Variants in FAM13A observed in about 807,000 individuals in gnomAD.
The protein encoded by FAM13A is protein FAM13A.
In FAM13A, 76 loss-of-function variants were observed where a neutral mutation model predicts 129.6. The ratio of observed to expected loss-of-function variants is 0.59; its 90% CI spans 0.49 to 0.71. The LOEUF (loss-of-function observed/expected upper bound fraction) is 0.71, where lower values mean the gene tolerates loss of function less well. FAM13A is among the 30% of genes least tolerant of loss of function. FAM13A has a pLI of 0.00. For missense variants in FAM13A, 1,108 were observed against 1,249.3 expected (o/e 0.89, Z 1.70); for synonymous variants, 443 against 449.9 (o/e 0.98, Z 0.20).
At chr4:88,751,909 T>C (rs1277192417) in intron 14 of FAM13A, among the ~76,000 whole-genome samples, 2 of 152,246 alleles carry the variant, frequency 1.3e-5, no homozygotes, top group Admixed American at 1.3e-4. Flanking sequence ...CTTTGAATCA[T>C]GGGAACAGTT....
intron 3 of FAM13A, among the ~76,000 whole-genome samples, chr4:88,994,733 G>A (rs1397182606): frequency 1.3e-5 from 2 of 152,072 alleles, no homozygotes; most frequent in Non-Finnish European, 2.9e-5. Flanking sequence ...CCAGCTACTT[G>A]GGAGGCTGAA....
At chr4:88,992,492 C>T (rs535687049) in intron 3 of FAM13A, among the ~76,000 whole-genome samples, 4 of 151,968 alleles carry the variant, frequency 2.6e-5, no homozygotes, top group African/African-American at 4.8e-5. Flanking sequence ...GCTGGGGCCT[C>T]CCAAAGTGTT....
intron 6 of FAM13A, among the ~76,000 whole-genome samples, chr4:88,896,438 T>A (rs1386052919): frequency 1.3e-5 from 2 of 151,992 alleles, no homozygotes; most frequent in Non-Finnish European, 2.9e-5. Flanking sequence ...GAAAAAAAAA[T>A]TCAATGTTTA....
At chr4:88,744,616 C>T (rs1740915678) in intron 19 of FAM13A, among the ~76,000 whole-genome samples, 1 of 152,108 alleles carries the variant, frequency 6.6e-6, no homozygotes, top group African/African-American at 2.4e-5. Context: ...GGGTTTGGAA[C>T]AATAGTTTAA....
At chr4:88,741,273 A>G (rs1227429687) in intron 19 of FAM13A, among the ~76,000 whole-genome samples, 1 of 152,236 alleles carries the variant, frequency 6.6e-6, no homozygotes, top group Non-Finnish European at 1.5e-5. Context: ...CATCAGTGGT[A>G]GAATAAAGTA....
intron 3 of FAM13A, among the ~76,000 whole-genome samples, chr4:88,999,944 T>C (rs1189162298): frequency 6.6e-6 from 1 of 152,224 alleles, no homozygotes; most frequent in African/African-American, 2.4e-5. Flanking sequence ...TTGTATACTT[T>C]TTAAATAACT....
At position 88,896,470 on chromosome 4, in the gene FAM13A, A is replaced by G. The variant is rs17014734; in HGVS notation, c.843+9909T>C. ...TTTATTAAGTTATTTTAGGAACTGT[A>G]TATTAAAAAAATTATATGGTCACTA... On this transcript the variant is annotated intron_variant, in intron 6 of 23. Transcript: ENST00000264344. Among the ~76,000 whole-genome samples, 776 of 152,342 alleles carry G rather than the reference A, an allele frequency of 5.1e-3. 9 individuals are homozygous for G. The highest frequency in any genetic ancestry group is 0.018 in the African/African-American group (738 of 41,578).
chr4:88,887,795 C>T (rs542313494), intron 6 of FAM13A, among the ~76,000 whole-genome samples: 81 of 151,974 alleles, frequency 5.3e-4, no homozygotes, highest in Non-Finnish European at 8.5e-4. Context: ...GGCCTCCCAA[C>T]GTGCTGGGAT....
chr4:88,846,542 A>C (rs900481990), intron 7 of FAM13A, among the ~76,000 whole-genome samples: 40 of 152,250 alleles, frequency 2.6e-4, no homozygotes, highest in East Asian at 1.9e-4. Flanking sequence ...ACAAACATTA[A>C]CTCTCTCTAC....
chr4:88,922,415 C>T (rs1751277923), intron 5 of FAM13A, among the ~76,000 whole-genome samples: 1 of 152,126 alleles, frequency 6.6e-6, no homozygotes, highest in African/African-American at 2.4e-5. Context: ...AACCGCTCAA[C>T]TACATGGAAA....
rs1024831232 is a variant in FAM13A, at chr4:88,728,319, C to T, written c.*214G>A. ...TGCACATACTGCAGTCTTGACTTTC[C>T]AATTACAAAATGCCTAAGTCAGGTC... On this transcript the variant is annotated 3_prime_UTR_variant, in exon 24 of 24. Coordinates refer to ENST00000264344, the MANE Select transcript of FAM13A (RefSeq NM_014883.4). 4 of 598,650 alleles carry T rather than the reference C, an allele frequency of 6.7e-6. No homozygotes were observed. Among genetic ancestry groups the T allele is most frequent in the Non-Finnish European group, 1.2e-5 (4 of 340,058 alleles). The allele number at this position is 598,650 out of a possible 1,614,324, so 37.1% of individuals were successfully genotyped here.
intron 4 of FAM13A, among the ~76,000 whole-genome samples, chr4:88,975,506 T>C (rs1439695745): frequency 6.6e-6 from 1 of 152,200 alleles, no homozygotes; most frequent in Non-Finnish European, 1.5e-5. Context: ...AAAGGGTCAA[T>C]AGCCATTTTC....
chr4:88,834,994 T>A (rs1734577656), intron 7 of FAM13A, among the ~76,000 whole-genome samples: 1 of 152,200 alleles, frequency 6.6e-6, no homozygotes, highest in African/African-American at 2.4e-5. Context: ...TATTTTGGTC[T>A]TGTTCACCTT....
At chr4:88,888,634 C>T (rs1358972906) in intron 6 of FAM13A, among the ~76,000 whole-genome samples, 2 of 152,034 alleles carry the variant, frequency 1.3e-5, no homozygotes, top group Non-Finnish European at 2.9e-5. Flanking sequence ...AGGCTTAAAA[C>T]AATCCTTGAG....
intron 4 of FAM13A, among the ~76,000 whole-genome samples, chr4:88,975,667 G>C (rs890247418): frequency 6.6e-6 from 1 of 152,124 alleles, no homozygotes; most frequent in Admixed American, 6.5e-5. Flanking sequence ...GCCAAAATCC[G>C]AATTTGCTTT....
chr4:88,789,635 A>G (rs1305081396), intron 9 of FAM13A, among the ~76,000 whole-genome samples: 1 of 152,194 alleles, frequency 6.6e-6, no homozygotes, highest in Non-Finnish European at 1.5e-5. Flanking sequence ...AGCAATGAAC[A>G]TGACAGACAA....
chr4:88,990,592 C>T, intron 4 of FAM13A: 1 of 161,190 alleles, frequency 6.2e-6, no homozygotes, highest in South Asian at 1.9e-4. Flanking sequence ...CATAATTTTC[C>T]ATCTATTGGC....
At chr4:88,921,756 A>G (rs1353041643) in intron 5 of FAM13A, among the ~76,000 whole-genome samples, 1 of 152,218 alleles carries the variant, frequency 6.6e-6, no homozygotes, top group Admixed American at 6.5e-5. Flanking sequence ...ACAGACTGGC[A>G]AATTGGATAA....
chr4:88,929,967 A>G (rs1264010552), intron 5 of FAM13A, among the ~76,000 whole-genome samples: 3 of 152,038 alleles, frequency 2.0e-5, no homozygotes, highest in Non-Finnish European at 4.4e-5. Flanking sequence ...TTGAACTCCT[A>G]TGCTCAAGTG....
Sources: allele counts gnomAD v4.1 joint callset (sites outside exome capture counted in the v4.1 genomes callset), GRCh38; gene constraint gnomAD v4.1.1; transcripts MANE v1.5; gene names NCBI Gene and HGNC (gene_info 2026-07-23, HGNC 2026-07-21).